Variants in POU6F1 observed in about 807,000 individuals in gnomAD.
POU6F1 encodes POU class 6 homeobox 1.
A neutral mutation model predicts 28.9 loss-of-function variants in POU6F1; 9 were observed. The observed-to-expected ratio is 0.31, with a 90% CI of 0.19 to 0.54. The LOEUF (loss-of-function observed/expected upper bound fraction) is 0.54. Ranked by LOEUF, POU6F1 falls within the 20% of genes least tolerant of loss-of-function variation. POU6F1 has a pLI of 0.94. For missense variants in POU6F1, 338 were observed against 426.1 expected, an observed-to-expected ratio of 0.79 and a Z score of 1.82; for synonymous variants, 173 against 171.1, an observed-to-expected ratio of 1.01 and a Z score of -0.09.
chr12:51,216,524 G>T (rs1174405902), intron 1 of POU6F1, among the ~76,000 whole-genome samples: 1 of 152,156 alleles, frequency 6.6e-6, no homozygotes, highest in Non-Finnish European at 1.5e-5. Context: ...TATTTTTGTT[G>T]AACTAATGAA....
chr12:51,206,945 CATCTAGAAAAGTCAGA>C, intron 1 of POU6F1, 62 bp from the exon 2 acceptor site: 1 of 396,700 alleles, frequency 2.5e-6, no homozygotes, highest in Non-Finnish European at 4.4e-6. Flanking sequence ...ATTTCTATAC[CATCTAGAAAAGTCAGA>C]ATAGAATCAC....
chr12:51,199,652 T>G lies in POU6F1; in HGVS notation c.366+95A>C. 1 of 398,906 alleles carries G rather than the reference T, an allele frequency of 2.5e-6. No individual in the cohort carries two copies. The allele number at this position is 398,906 out of a possible 1,614,324, so 24.7% of individuals were successfully genotyped here. On this transcript the variant is annotated intron_variant, in intron 4 of 10. Transcript: ENST00000333640. This position sits in a 1 kb window ranked among gnomAD's most constrained non-coding sequence, Gnocchi z 4.1. ...TAGCCCCTTCCCTGTCCTGCCCCCA[T>G]GAAGTTCCCAGATTCCATGGCTTCC...
At chr12:51,205,818 C>CTTTTTT (rs779988625) in intron 2 of POU6F1, among the ~76,000 whole-genome samples, 2 of 136,006 alleles carry the variant, frequency 1.5e-5, no homozygotes, top group African/African-American at 2.7e-5. Flanking sequence ...TCTTTTCTTT[C>CTTTTTT]TTTTTTTTTT....
chr12:51,216,059 T>G (rs1178508741), intron 1 of POU6F1, among the ~76,000 whole-genome samples: 1 of 152,224 alleles, frequency 6.6e-6, no homozygotes, highest in East Asian at 1.9e-4. Flanking sequence ...GGCTCACGCC[T>G]GTAATCCCAG....
intron 1 of POU6F1, among the ~76,000 whole-genome samples, chr12:51,208,941 G>A (rs1308273917): frequency 6.6e-6 from 1 of 152,102 alleles, no homozygotes; most frequent in Non-Finnish European, 1.5e-5. Context: ...GTGTGAGAGA[G>A]ATACTTTCAC....
chr12:51,196,666 G>A lies in POU6F1; in HGVS notation c.975+133C>T, dbSNP rs539308855. The A allele has an allele frequency of 5.6e-5, 62 of 1,112,652 alleles. No individual in the cohort carries two copies. In the East Asian group the frequency reaches 1.2e-3, roughly 22 times the overall value. 68.9% of individuals were successfully genotyped at this position (1,112,652 alleles called of 1,614,324 possible). On this transcript the variant is annotated intron_variant, in intron 7 of 10. Transcript: ENST00000333640. ...CCAGCTTCAGCATCGGCAGAAAGCC[G>A]CCGCAGAGGAGATAGGAACAACAGC...
intron 9 of POU6F1, among the ~76,000 whole-genome samples, 189 bp downstream of exon 9, chr12:51,192,141 G>A (rs2137095795): frequency 6.6e-6 from 1 of 152,320 alleles, no homozygotes; most frequent in East Asian, 1.9e-4. Context: ...CAGCTTGACA[G>A]CCTCCACTGT....
At chr12:51,214,652 G>GT (rs1944193746) in intron 1 of POU6F1, among the ~76,000 whole-genome samples, 1 of 152,090 alleles carries the variant, frequency 6.6e-6, no homozygotes, top group Non-Finnish European at 1.5e-5. Context: ...AAATAGGAGA[G>GT]TAGAGTCAAG....
intron 1 of POU6F1, among the ~76,000 whole-genome samples, chr12:51,214,629 G>A (rs1944192282): frequency 6.6e-6 from 1 of 152,140 alleles, no homozygotes; most frequent in Admixed American, 6.5e-5. Context: ...AAAGAATGAT[G>A]AGGTGACCAA....
At chr12:51,193,229 T>G (rs1942562565) in intron 8 of POU6F1, among the ~76,000 whole-genome samples, 1 of 152,212 alleles carries the variant, frequency 6.6e-6, no homozygotes, top group South Asian at 2.1e-4. Flanking sequence ...CAAGACAGAC[T>G]GTGCAGCCAT....
In POU6F1 at chr12:51,201,158, C is replaced by T. The variant is rs147224628; in HGVS notation, c.245-1290G>A. On this transcript the variant is annotated intron_variant, in intron 3 of 10. Transcript: ENST00000333640. ...AGTGGGAACCACTGAATCAGATAACCGCAAAGGTTCTGTCCAACCCTGCAG... is the reference window on the plus strand; with the variant it reads ...AGTGGGAACCACTGAATCAGATAACTGCAAAGGTTCTGTCCAACCCTGCAG... Among the ~76,000 whole-genome samples the T allele has an allele frequency of 4.7e-4, 72 of 152,300 alleles. No individual in the cohort carries two copies. In the East Asian group the frequency reaches 0.012, roughly 25 times the overall value.
rs1447533617 is a variant in POU6F1, at chr12:51,196,653, T to A, written c.975+146A>T. The A allele has an allele frequency of 6.2e-6, 6 of 970,738 alleles. No homozygotes were observed. In the East Asian group the frequency reaches 1.5e-4, roughly 25 times the overall value. 60.1% of individuals were successfully genotyped at this position (970,738 alleles called of 1,614,324 possible). On this transcript the variant is annotated intron_variant, in intron 7 of 10. Transcript: ENST00000333640. ...GCTACACCCCTGCCCAGCTTCAGCA[T>A]CGGCAGAAAGCCGCCGCAGAGGAGA...
intron 3 of POU6F1, among the ~76,000 whole-genome samples, chr12:51,203,899 A>G (rs1418023477): frequency 6.6e-6 from 1 of 152,012 alleles, no homozygotes; most frequent in Non-Finnish European, 1.5e-5. Flanking sequence ...CCCAGGTGCA[A>G]CCCCCTAAGC....
chr12:51,203,134 A>G (rs1230854608), intron 3 of POU6F1, among the ~76,000 whole-genome samples: 1 of 152,160 alleles, frequency 6.6e-6, no homozygotes, highest in Non-Finnish European at 1.5e-5. Flanking sequence ...AAGAAGATGC[A>G]CACTACACAA....
chr12:51,192,837 G>A (rs527883007), intron 8 of POU6F1, among the ~76,000 whole-genome samples: 15 of 152,038 alleles, frequency 9.9e-5, no homozygotes, highest in African/African-American at 2.9e-4. Context: ...CCTGGGAGGC[G>A]GAGGTTGCAA....
intron 3 of POU6F1, 79 bp downstream of exon 3, chr12:51,204,094 C>A: frequency 2.5e-6 from 1 of 398,842 alleles, no homozygotes; most frequent in Middle Eastern, 6.3e-4. Flanking sequence ...CCCAGGGATT[C>A]ATGCTGGCTC....
intron 1 of POU6F1, among the ~76,000 whole-genome samples, chr12:51,209,045 C>A (rs1943815038): frequency 6.6e-6 from 1 of 152,218 alleles, no homozygotes; most frequent in African/African-American, 2.4e-5. Context: ...GACTTCCCAC[C>A]TTCAGTACTA....
intron 8 of POU6F1, among the ~76,000 whole-genome samples, chr12:51,195,383 C>T (rs1942741425): frequency 6.6e-6 from 1 of 152,168 alleles, no homozygotes; most frequent in Admixed American, 6.5e-5. Context: ...TTCTCTAGGG[C>T]CCCAAACCAC....
chr12:51,197,904 G>A lies in POU6F1; in HGVS notation c.712C>T (p.Pro238Ser). 2.5e-6 allele frequency: 1 copy of A among 405,722 alleles called. No individual in the cohort carries two copies. The highest frequency in any genetic ancestry group is 4.3e-6 in the Non-Finnish European group (1 of 230,774). 25.1% of individuals were successfully genotyped at this position (405,722 alleles called of 1,614,324 possible). The change falls in exon 6 of 11, where the codon CCG becomes TCG. Residue 238 changes from proline (P) to serine (S), a missense_variant. This residue lies in a region of POU6F1 where 206 missense variants were observed against 225.6 expected (regional missense o/e 0.91). Coordinates refer to ENST00000333640, the MANE Select transcript of POU6F1 (RefSeq NM_001330422.2). ...AQPQTLFQTQ[P>S]LLQTTPAILP... The stretch of plus-strand genomic sequence containing the variant: ...ATGGCAGGTGTGGTCTGCAGCAGCG[G>A]CTGGGTCTGGAACAGCGTCTGGGGC...
Sources: allele counts gnomAD v4.1 joint callset (sites outside exome capture counted in the v4.1 genomes callset), GRCh38; gene constraint gnomAD v4.1.1; regional missense constraint gnomAD v4.1.1; non-coding constraint Gnocchi (gnomAD v3.1); transcripts MANE v1.5; gene names NCBI Gene and HGNC (gene_info 2026-07-23, HGNC 2026-07-21).